The following TBL1X variants were observed in gnomAD, a reference collection of about 807,000 sequenced individuals.
The protein encoded by TBL1X is transducin beta like 1 X-linked, also known as F-box-like/WD repeat-containing protein TBL1X.
In TBL1X, 10 loss-of-function variants were observed where a neutral mutation model predicts 50.7. That is an observed-to-expected ratio of 0.20 (90% confidence interval 0.12 to 0.33). The LOEUF is 0.33. Among genes scored for constraint, TBL1X ranks in the 10% least tolerant of loss-of-function variants. The pLI is 1.00. For synonymous variants in TBL1X, 190 were observed against 214.7 expected, an observed-to-expected ratio of 0.88 and a Z score of 1.01; for missense variants, 340 against 504.4, an observed-to-expected ratio of 0.67 and a Z score of 3.12.
At chrX:9,496,695 AC>A in intron 1 of TBL1X, among the ~76,000 whole-genome samples, 1 of 111,824 alleles carries the variant, frequency 8.9e-6, no homozygotes, top group South Asian at 3.8e-4. Flanking sequence ...AGATGATTAG[AC>A]CCATAATGGA....
At chrX:9,569,415 T>C (rs2082373429) in intron 2 of TBL1X, among the ~76,000 whole-genome samples, 1 of 111,688 alleles carries the variant, frequency 9.0e-6, no homozygotes, top group African/African-American at 3.3e-5. Context: ...TGTGGTGTAC[T>C]GTGTGTGTGT....
intron 2 of TBL1X, among the ~76,000 whole-genome samples, chrX:9,635,938 C>A (rs764270125): frequency 8.9e-6 from 1 of 112,531 alleles, no homozygotes; most frequent in African/African-American, 3.2e-5. Flanking sequence ...TGGAAAAACA[C>A]AACGTGGTTC....
intron 3 of TBL1X, among the ~76,000 whole-genome samples, chrX:9,651,011 CTTTTTTTTTTTTTTTTT>C (rs572743375): frequency 1.3e-4 from 4 of 30,913 alleles, no homozygotes; most frequent in Non-Finnish European, 1.6e-4. Context: ...AGCTGCCAGC[CTTTTTTTTTTTTTTTTT>C]TTTTTTTTTT....
Position 9,675,621 on chromosome X carries a change from C to T in TBL1X, c.212-8422C>T, listed in dbSNP as rs183967233. Among the ~76,000 whole-genome samples the T allele has an allele frequency of 6.9e-3, 773 of 111,633 alleles. 8 individuals are homozygous for T. Among genetic ancestry groups the T allele is most frequent in the African/African-American group, 0.024 (734 of 30,694 alleles). On this transcript the variant is annotated intron_variant, in intron 5 of 17. Transcript: ENST00000645353. ...CGCACAGGCCAGGCGCGGTAGCTCA[C>T]GCCCAGCAAGTAATCCCAGCACTTT...
intron 12 of TBL1X, among the ~76,000 whole-genome samples, chrX:9,703,306 G>A (rs935631273): frequency 1.7e-4 from 17 of 100,065 alleles, no homozygotes; most frequent in African/African-American, 5.1e-4. Flanking sequence ...GAGATCACCA[G>A]AGAAGGGAAG....
intron 2 of TBL1X, chrX:9,636,448 T>G (rs1184104110): frequency 9.4e-6 from 1 of 106,715 alleles, no homozygotes; most frequent in Admixed American, 1.0e-4. Context: ...ATGGTTAATT[T>G]TATGTTGTTA....
intron 2 of TBL1X, among the ~76,000 whole-genome samples, chrX:9,622,414 G>A (rs142620792): frequency 1.4e-4 from 15 of 111,111 alleles, no homozygotes; most frequent in African/African-American, 4.9e-4. Context: ...ATTTCACTTA[G>A]TGTAGCGTCT....
At chrX:9,615,090 A>T (rs137878884) in intron 2 of TBL1X, among the ~76,000 whole-genome samples, 1 of 111,674 alleles carries the variant, frequency 9.0e-6, no homozygotes, top group Non-Finnish European at 1.9e-5. Context: ...CTCTGGGGTT[A>T]CCTGGGTTCC....
chrX:9,546,524 A>G (rs988631420), intron 2 of TBL1X, among the ~76,000 whole-genome samples: 1 of 110,843 alleles, frequency 9.0e-6, no homozygotes, highest in Non-Finnish European at 1.9e-5. Context: ...AGAAAAAACA[A>G]ACAAACAAAA....
intron 2 of TBL1X, among the ~76,000 whole-genome samples, chrX:9,590,164 G>T (rs150883804): frequency 9.0e-6 from 1 of 111,668 alleles, no homozygotes. Flanking sequence ...GAGAAAGGGC[G>T]GAAGGAGAAA....
At chrX:9,470,801 A>T (rs2081809814) in intron 1 of TBL1X, among the ~76,000 whole-genome samples, 1 of 109,102 alleles carries the variant, frequency 9.2e-6, no homozygotes, top group Non-Finnish European at 1.9e-5. Context: ...TGCCCGGCTA[A>T]TTTTGTATTT....
intron 2 of TBL1X, among the ~76,000 whole-genome samples, chrX:9,536,509 G>A (rs1256288910): frequency 3.6e-5 from 4 of 111,207 alleles, no homozygotes; most frequent in African/African-American, 9.8e-5. Context: ...CTTGGCCTCC[G>A]AAAGTGCTGG....
chrX:9,561,458 C>T (rs962740102), intron 2 of TBL1X, among the ~76,000 whole-genome samples: 10 of 111,145 alleles, frequency 9.0e-5, no homozygotes, highest in African/African-American at 2.6e-4. Flanking sequence ...GAGACAGGAG[C>T]GTTGAAGTCT....
chrX:9,468,405 A>G (rs911132212), intron 1 of TBL1X, among the ~76,000 whole-genome samples: 2 of 112,107 alleles, frequency 1.8e-5, no homozygotes, highest in African/African-American at 6.5e-5. Context: ...CCTTCCTGCA[A>G]CTGTTAAATT....
intron 15 of TBL1X, among the ~76,000 whole-genome samples, chrX:9,710,928 A>G (rs1277281650): frequency 8.9e-6 from 1 of 112,339 alleles, no homozygotes; most frequent in Non-Finnish European, 1.9e-5. Context: ...ATTTTTCCAA[A>G]TATGGCTGTC....
At chrX:9,644,614 G>A (rs2082792749) in intron 3 of TBL1X, 1 of 110,945 alleles carries the variant, frequency 9.0e-6, no homozygotes, top group African/African-American at 3.3e-5. Flanking sequence ...GCACAGAAAG[G>A]ACCTTTTCTG....
At chrX:9,707,775 C>T (rs1479853375) in intron 13 of TBL1X, among the ~76,000 whole-genome samples, 2 of 112,017 alleles carry the variant, frequency 1.8e-5, no homozygotes, top group African/African-American at 3.2e-5. Flanking sequence ...CAACCCTCAG[C>T]CCCCTCTCCA....
chrX:9,477,669 T>C (rs2081856806), intron 1 of TBL1X, among the ~76,000 whole-genome samples: 1 of 112,365 alleles, frequency 8.9e-6, no homozygotes, highest in Admixed American at 9.4e-5. Flanking sequence ...TTAAACATTG[T>C]TATTGAGGTA....
chrX:9,551,722 T>A (rs1246903825), intron 2 of TBL1X, among the ~76,000 whole-genome samples: 1 of 111,255 alleles, frequency 9.0e-6, no homozygotes, highest in Non-Finnish European at 1.9e-5. Context: ...TATGGGATGT[T>A]TTTCCATGTT....
Sources: allele counts gnomAD v4.1 joint callset (sites outside exome capture counted in the v4.1 genomes callset), GRCh38; gene constraint gnomAD v4.1.1; transcripts MANE v1.5; gene names NCBI Gene and HGNC (gene_info 2026-07-23, HGNC 2026-07-21).